The following PSORS1C1 variants were observed in gnomAD, a reference collection of about 807,000 sequenced individuals.
PSORS1C1 encodes psoriasis susceptibility 1 candidate gene 1 protein.
PSORS1C1 carries 7 observed loss-of-function variants against 9.4 expected under a neutral mutation model. The ratio of observed to expected loss-of-function variants is 0.75; its 90% CI spans 0.42 to 1.40. PSORS1C1 has a LOEUF of 1.40. PSORS1C1 is among the 40% of genes most tolerant of loss of function. The pLI is 0.01. For missense variants in PSORS1C1, 146 were observed against 178.1 expected, an observed-to-expected ratio of 0.82 and a Z score of 1.02; for synonymous variants, 63 against 69.4, an observed-to-expected ratio of 0.91 and a Z score of 0.46.
At chr6:31,116,716 CCCA>C in intron 1 of PSORS1C1, 1 of 1,612,808 alleles carries the variant, frequency 6.2e-7, no homozygotes, top group Middle Eastern at 1.6e-4. Flanking sequence ...AGAGGAGCCA[CCCA>C]CCACCTCGTA....
At position 31,128,335 on chromosome 6, in the gene PSORS1C1, G is replaced by A. The variant is rs1772770929; in HGVS notation, c.-64-1234G>A. ...ACAAGACCTGAGAGCCGCTACCTTG[G>A]CTCTCAGCATTGCACGGGAGTTTAG... On this transcript the variant is annotated intron_variant, in intron 2 of 5. Transcript: ENST00000259881. This position sits in a 1 kb window ranked among gnomAD's most constrained non-coding sequence, Gnocchi z 4.3. 6.6e-6 allele frequency among the ~76,000 whole-genome samples: 1 copy of A among 152,170 alleles called. No homozygotes were observed. Among genetic ancestry groups the A allele is most frequent in the Non-Finnish European group, 1.5e-5 (1 of 68,034 alleles).
At chr6:31,136,449 A>G (rs1773141857) in intron 3 of PSORS1C1, among the ~76,000 whole-genome samples, 1 of 151,750 alleles carries the variant, frequency 6.6e-6, no homozygotes, top group African/African-American at 2.4e-5. Context: ...GGAAAGGTTG[A>G]TTTGTTTCCT....
chr6:31,117,313 C>A, intron 1 of PSORS1C1: 1 of 1,583,528 alleles, frequency 6.3e-7, no homozygotes. Flanking sequence ...TCCTGCAGAA[C>A]CACCCTGGGC....
At chr6:31,124,859 T>G (rs1772611455) in intron 1 of PSORS1C1, among the ~76,000 whole-genome samples, 1 of 152,076 alleles carries the variant, frequency 6.6e-6, no homozygotes, top group Non-Finnish European at 1.5e-5. Context: ...TCCCAGCTAC[T>G]CAGGAGGCTG....
chr6:31,130,719 C>T (rs1342679404), intron 3 of PSORS1C1, among the ~76,000 whole-genome samples: 2 of 151,998 alleles, frequency 1.3e-5, no homozygotes, highest in Admixed American at 1.3e-4. Context: ...AAATGTTAAA[C>T]ATTTTTTTTG....
chr6:31,124,340 C>A (rs974824948), intron 1 of PSORS1C1, among the ~76,000 whole-genome samples: 1 of 152,134 alleles, frequency 6.6e-6, no homozygotes, highest in African/African-American at 2.4e-5. Context: ...CTGCTGCAGG[C>A]GGACACGGTG....
intron 3 of PSORS1C1, among the ~76,000 whole-genome samples, chr6:31,135,095 C>T (rs1470413700): frequency 2.6e-5 from 4 of 152,212 alleles, no homozygotes; most frequent in Non-Finnish European, 5.9e-5. Context: ...GTATTACAGG[C>T]ATGAGCCACC....
intron 2 of PSORS1C1, 60 bp downstream of exon 2, chr6:31,125,899 A>C (rs1012990238): frequency 6.6e-6 from 1 of 152,264 alleles, no homozygotes. Context: ...ATTTTGAAAT[A>C]AAAGAATGGA....
intron 2 of PSORS1C1, among the ~76,000 whole-genome samples, chr6:31,127,216 C>T (rs1170002269): frequency 6.6e-6 from 1 of 152,100 alleles, no homozygotes; most frequent in Non-Finnish European, 1.5e-5. Flanking sequence ...GCTGGGCTGG[C>T]CCTTGGAGCG....
intron 1 of PSORS1C1, chr6:31,120,511 T>G: frequency 1.7e-6 from 2 of 1,145,320 alleles, no homozygotes; most frequent in South Asian, 1.3e-5. Context: ...GGAGTCACTG[T>G]GGGGAGAGGA....
At chr6:31,131,057 T>C (rs1365848829) in intron 3 of PSORS1C1, among the ~76,000 whole-genome samples, 2 of 151,790 alleles carry the variant, frequency 1.3e-5, no homozygotes, top group Non-Finnish European at 2.9e-5. Context: ...ACAGTTCTGA[T>C]AGAGGAGAGA....
At chr6:31,138,002 G>A (rs558870170) in intron 3 of PSORS1C1, 13 of 1,517,176 alleles carry the variant, frequency 8.6e-6, no homozygotes, top group African/African-American at 2.8e-5. Context: ...CCTGAGGTCG[G>A]TTGTCCACCT....
intron 1 of PSORS1C1, among the ~76,000 whole-genome samples, chr6:31,121,854 C>T (rs3095314): frequency 0.35 from 52,958 of 152,192 alleles, 9,658 homozygotes; most frequent in South Asian, 0.54. Context: ...GCAAGTTTAA[C>T]CACCAAAGAT....
At chr6:31,116,499 C>T (rs773666948) in intron 1 of PSORS1C1, 3 of 1,610,236 alleles carry the variant, frequency 1.9e-6, no homozygotes, top group Non-Finnish European at 2.5e-6. Flanking sequence ...CACCAGTCCC[C>T]ACTGGCTGGA....
intron 1 of PSORS1C1, chr6:31,117,097 C>T (rs150026609): frequency 1.2e-6 from 2 of 1,614,076 alleles, no homozygotes; most frequent in African/African-American, 2.7e-5. Context: ...CAGAGCAGAG[C>T]CATTCCCTAC....
intron 1 of PSORS1C1, 81 bp from the exon 2 acceptor site, chr6:31,125,595 C>T (rs959101880): frequency 3.3e-5 from 5 of 152,344 alleles, no homozygotes; most frequent in African/African-American, 1.2e-4. Flanking sequence ...ACTGGCTACA[C>T]TTCTTGACTC....
At position 31,128,366 on chromosome 6, in the gene PSORS1C1, A is replaced by T. The variant is rs1772773111; in HGVS notation, c.-64-1203A>T. 6.6e-6 allele frequency among the ~76,000 whole-genome samples: 1 copy of T among 152,206 alleles called. No homozygotes were observed. The highest frequency in any genetic ancestry group is 1.5e-5 in the Non-Finnish European group (1 of 68,042). ...AGCATTGCACGGGAGTTTAGAGGTT[A>T]TTAAAGAAATCCCCCTAAAGTCCCA... On this transcript the variant is annotated intron_variant, in intron 2 of 5. Transcript: ENST00000259881. The surrounding 1 kb of genome is among the most constrained non-coding windows in gnomAD (Gnocchi z 4.3).
chr6:31,116,368 C>T, intron 1 of PSORS1C1: 1 of 1,610,308 alleles, frequency 6.2e-7, no homozygotes, highest in South Asian at 1.1e-5. Flanking sequence ...GGAAGCACTG[C>T]CGCAGGGATG....
At chr6:31,129,275 G>A (rs9501055) in intron 2 of PSORS1C1, among the ~76,000 whole-genome samples, 33,262 of 151,908 alleles carry the variant, frequency 0.22, 4,191 homozygotes, top group African/African-American at 0.34. Context: ...ATTTAATTCC[G>A]TGACTCTGTG....
Sources: gnomAD v4.1 joint callset for allele counts (sites outside exome capture counted in the v4.1 genomes callset) on GRCh38, gnomAD v4.1.1 for gene constraint, Gnocchi (gnomAD v3.1) non-coding constraint, MANE v1.5 for transcripts, NCBI Gene and HGNC (gene_info 2026-07-23, HGNC 2026-07-21) for gene names.